PPP1R9A: variants seen among roughly 807,000 people sequenced by gnomAD.
PPP1R9A encodes protein phosphatase 1 regulatory subunit 9A, also known as neurabin-1.
A neutral mutation model predicts 141.9 loss-of-function variants in PPP1R9A; 59 were observed. The ratio of observed to expected loss-of-function variants is 0.42; its 90% CI spans 0.34 to 0.52. The LOEUF (loss-of-function observed/expected upper bound fraction) is 0.52. Among genes scored for constraint, PPP1R9A ranks in the 20% least tolerant of loss-of-function variants. PPP1R9A has a pLI of 0.10. For missense variants in PPP1R9A, 1,444 were observed against 1,611.9 expected (o/e 0.90, Z 1.78); for synonymous variants, 500 against 569.7 (o/e 0.88, Z 1.74).
rs781549139 is a variant in PPP1R9A at position 95,290,225 on chromosome 7, G to GCT, written c.4048_4049insTC (p.Gln1350LeufsTer15). ...AAAGAGAAAAGCTAAGGAGAAAGGA[G>GCT]CAAGAGCAAATGCAGAGGAAGTCCA... On this transcript the variant is annotated frameshift_variant, in exon 20 of 20. Transcript: ENST00000433360. LOFTEE classifies it high-confidence loss of function. 6.2e-7 allele frequency: 1 copy of GCT among 1,613,332 alleles called. No individual in the cohort carries two copies. The highest frequency in any genetic ancestry group is 8.5e-7 in the Non-Finnish European group (1 of 1,179,604).
intron 2 of PPP1R9A, among the ~76,000 whole-genome samples, chr7:94,949,611 G>A (rs2151016333): frequency 6.6e-6 from 1 of 152,200 alleles, no homozygotes; most frequent in East Asian, 1.9e-4. Context: ...TCAGACAGTG[G>A]TGGGAATTTA....
At chr7:94,961,710 C>G (rs927967521) in intron 2 of PPP1R9A, among the ~76,000 whole-genome samples, 8 of 151,824 alleles carry the variant, frequency 5.3e-5, no homozygotes, top group Admixed American at 1.3e-4. Flanking sequence ...CAGCAAAGTA[C>G]TATTTAAAGT....
chr7:95,119,315 T>C (rs1200296746), intron 3 of PPP1R9A, among the ~76,000 whole-genome samples: 2 of 152,060 alleles, frequency 1.3e-5, no homozygotes, highest in African/African-American at 4.8e-5. Context: ...AGTCACACAG[T>C]ATTGTTCATA....
chr7:94,931,839 A>G (rs1218929239), intron 2 of PPP1R9A, among the ~76,000 whole-genome samples: 3 of 152,174 alleles, frequency 2.0e-5, no homozygotes, highest in Non-Finnish European at 4.4e-5. Flanking sequence ...TGGCCTCCCA[A>G]AGTGCTGGGA....
intron 12 of PPP1R9A, among the ~76,000 whole-genome samples, chr7:95,254,150 G>T (rs1799266669): frequency 1.3e-5 from 2 of 152,140 alleles, no homozygotes; most frequent in Non-Finnish European, 2.9e-5. Flanking sequence ...GAGATGTGGA[G>T]ACTACTAATT....
chr7:94,965,806 T>C (rs1299181981), intron 2 of PPP1R9A, among the ~76,000 whole-genome samples: 1 of 152,140 alleles, frequency 6.6e-6, no homozygotes, highest in Non-Finnish European at 1.5e-5. Flanking sequence ...ATATGGGCTT[T>C]TTTTTTTGTT....
intron 8 of PPP1R9A, among the ~76,000 whole-genome samples, chr7:95,234,427 A>G (rs80181170): frequency 6.6e-6 from 1 of 152,206 alleles, no homozygotes; most frequent in Non-Finnish European, 1.5e-5. Context: ...GCCGTTCACA[A>G]TAGCTGCAAA....
chr7:95,120,731 A>G lies in PPP1R9A; in HGVS notation c.1548A>G (p.Ile516Met), dbSNP rs768295260. ...ELEKDEDGLG[I>M]SIIGMGVGAD... is the part of the protein sequence containing the mutation. ...TAATAGATGAGGATGGTCTTGGTAT[A>G]AGTATTATTGGAATGGGTGTTGGAG... is the stretch of plus-strand genomic sequence containing the variant. Residue 516 changes from isoleucine (I) to methionine (M), a missense_variant, in exon 4 of 20, where the codon ATA becomes ATG. By Grantham distance (10) the Ile-to-Met change is conservative. Transcript: ENST00000433360. The G allele has an allele frequency of 6.2e-7, 1 of 1,613,714 alleles. No individual in the cohort carries two copies. Among genetic ancestry groups the G allele is most frequent in the Admixed American group, 1.7e-5 (1 of 59,984 alleles).
intron 4 of PPP1R9A, among the ~76,000 whole-genome samples, chr7:95,136,711 A>C (rs1301227404): frequency 1.3e-5 from 2 of 152,202 alleles, no homozygotes; most frequent in African/African-American, 4.8e-5. Flanking sequence ...TTGACATCCT[A>C]ACTTTTGTTC....
chr7:94,967,469 C>T (rs1395027557), intron 2 of PPP1R9A, among the ~76,000 whole-genome samples: 8 of 152,134 alleles, frequency 5.3e-5, no homozygotes, highest in African/African-American at 1.9e-4. Context: ...ATAAATTTTT[C>T]TCTAAACACT....
intron 9 of PPP1R9A, among the ~76,000 whole-genome samples, chr7:95,249,654 A>G (rs1198006389): frequency 1.3e-5 from 2 of 151,944 alleles, no homozygotes; most frequent in Admixed American, 6.6e-5. Context: ...TTAATTTTTT[A>G]TATATAATTA....
At chr7:95,013,754 A>T (rs1804735543) in intron 2 of PPP1R9A, among the ~76,000 whole-genome samples, 1 of 152,158 alleles carries the variant, frequency 6.6e-6, no homozygotes, top group Non-Finnish European at 1.5e-5. Context: ...GTTCACATTT[A>T]AAAGGTAGAA....
At chr7:94,920,189 G>T (rs916136814) in intron 2 of PPP1R9A, among the ~76,000 whole-genome samples, 1 of 152,032 alleles carries the variant, frequency 6.6e-6, no homozygotes, top group Non-Finnish European at 1.5e-5. Flanking sequence ...TGGATTTTTA[G>T]AGCAACTTGA....
At chr7:95,128,655 C>T (rs367939649) in intron 4 of PPP1R9A, among the ~76,000 whole-genome samples, 1 of 152,154 alleles carries the variant, frequency 6.6e-6, no homozygotes, top group African/African-American at 2.4e-5. Context: ...TGGCTCACTG[C>T]AACCTCTGCC....
chr7:95,270,364 G>A (rs1411822860), intron 14 of PPP1R9A, among the ~76,000 whole-genome samples: 1 of 152,102 alleles, frequency 6.6e-6, no homozygotes, highest in Non-Finnish European at 1.5e-5. Context: ...ATTAATTACA[G>A]CCATGTTTGA....
intron 2 of PPP1R9A, among the ~76,000 whole-genome samples, chr7:94,990,823 T>A (rs990900608): frequency 6.6e-6 from 1 of 152,130 alleles, no homozygotes; most frequent in Non-Finnish European, 1.5e-5. Context: ...GTTTTTGGCT[T>A]ATTTTACTTA....
intron 5 of PPP1R9A, among the ~76,000 whole-genome samples, chr7:95,193,033 A>G (rs1242519223): frequency 1.3e-5 from 2 of 152,080 alleles, no homozygotes; most frequent in Non-Finnish European, 2.9e-5. Flanking sequence ...TATGTACCAC[A>G]TCTTATTCTT....
At chr7:95,142,699 A>C (rs955029480) in intron 4 of PPP1R9A, among the ~76,000 whole-genome samples, 1 of 152,018 alleles carries the variant, frequency 6.6e-6, no homozygotes, top group African/African-American at 2.4e-5. Context: ...GACAAGATTA[A>C]TTTTTTTAAT....
chr7:95,196,741 A>AAT (rs1211271221), intron 5 of PPP1R9A, among the ~76,000 whole-genome samples: 2 of 152,206 alleles, frequency 1.3e-5, no homozygotes, highest in African/African-American at 4.8e-5. Context: ...AGAAAAGATT[A>AAT]ATATAGGCCC....
Sources: gnomAD v4.1 joint callset for allele counts (sites outside exome capture counted in the v4.1 genomes callset) on GRCh38, gnomAD v4.1.1 for gene constraint, MANE v1.5 for transcripts, NCBI Gene and HGNC (gene_info 2026-07-23, HGNC 2026-07-21) for gene names.